TTLL6: variants seen among roughly 807,000 people sequenced by gnomAD.
TTLL6 encodes the protein tubulin tyrosine ligase like 6.
TTLL6 carries 75 observed loss-of-function variants against 96.4 expected under a neutral mutation model. The ratio of observed to expected loss-of-function variants is 0.78; its 90% CI spans 0.65 to 0.94. TTLL6 has a LOEUF of 0.94. TTLL6 is among the 40% of genes least tolerant of loss of function. The pLI, the probability that TTLL6 is intolerant of heterozygous loss-of-function variation, is 0.00. For missense variants in TTLL6, 1,030 were observed against 1,093.0 expected (o/e 0.94, Z 0.81); for synonymous variants, 411 against 419.4 (o/e 0.98, Z 0.24).
In TTLL6 at chr17:48,801,242, G is replaced by A. The variant is rs142617409; in HGVS notation, c.611+13C>T. On this transcript the variant is annotated intron_variant, in intron 5 of 15. Transcript: ENST00000393382. ...GGGAGTGGAGAAGGAAGTACAGGGC[G>A]GGGGGCACTCACTCAGCAGGAAGAC... The A allele has an allele frequency of 2.3e-5, 36 of 1,550,316 alleles. No individual in the cohort carries two copies. The highest frequency in any genetic ancestry group is 9.5e-5 in the South Asian group (8 of 84,026).
chr17:48,794,218 C>G (rs766559025), intron 8 of TTLL6: 7 of 1,613,988 alleles, frequency 4.3e-6, no homozygotes, highest in Non-Finnish European at 5.9e-6. Context: ...GTTCTGCTAC[C>G]CCGAGACACC....
chr17:48,772,709 G>A (rs1222512048), intron 13 of TTLL6, among the ~76,000 whole-genome samples: 34 of 142,190 alleles, frequency 2.4e-4, no homozygotes, highest in Non-Finnish European at 4.5e-4. Context: ...CCAGCCTGGC[G>A]ACAGAGTGAG....
At chr17:48,768,770 G>A (rs2038669175) in intron 15 of TTLL6, among the ~76,000 whole-genome samples, 1 of 149,372 alleles carries the variant, frequency 6.7e-6, no homozygotes, top group African/African-American at 2.5e-5. Context: ...TCAAACTCCT[G>A]GGCACAAGGG....
At chr17:48,803,665 G>T (rs1042589958) in intron 3 of TTLL6, among the ~76,000 whole-genome samples, 4 of 152,168 alleles carry the variant, frequency 2.6e-5, no homozygotes, top group Non-Finnish European at 5.9e-5. Context: ...CTATATATAA[G>T]AATTACAGAT....
At chr17:48,793,526 A>T (rs2039264266) in intron 8 of TTLL6, among the ~76,000 whole-genome samples, 1 of 151,954 alleles carries the variant, frequency 6.6e-6, no homozygotes, top group Non-Finnish European at 1.5e-5. Flanking sequence ...CCGGGAGTCG[A>T]AACTTTTGCA....
chr17:48,814,757 G>T (rs1326440534), intron 1 of TTLL6, among the ~76,000 whole-genome samples: 1 of 152,170 alleles, frequency 6.6e-6, no homozygotes, highest in Non-Finnish European at 1.5e-5. Context: ...GTGTTGCAGA[G>T]GGTGGAAAAT....
At chr17:48,792,442 G>C (rs1295713401) in intron 8 of TTLL6, among the ~76,000 whole-genome samples, 4 of 152,188 alleles carry the variant, frequency 2.6e-5, no homozygotes, top group Admixed American at 2.6e-4. Flanking sequence ...TGTGGAAGGA[G>C]GAGGTGCAGG....
chr17:48,801,788 G>A (rs2039420203), intron 3 of TTLL6, 145 bp from the exon 4 acceptor site: 1 of 632,672 alleles, frequency 1.6e-6, no homozygotes, highest in Non-Finnish European at 2.8e-6. Flanking sequence ...GCCCTCTCTG[G>A]ATGCAAGAAT....
At chr17:48,805,509 G>C (rs1409035352) in intron 1 of TTLL6, among the ~76,000 whole-genome samples, 1 of 152,130 alleles carries the variant, frequency 6.6e-6, no homozygotes, top group East Asian at 1.9e-4. Context: ...TAAGATTCAA[G>C]CCCAGGGCCA....
chr17:48,816,169 G>A (rs1199550648), intron 1 of TTLL6, among the ~76,000 whole-genome samples: 2 of 152,110 alleles, frequency 1.3e-5, no homozygotes, highest in South Asian at 2.1e-4. Flanking sequence ...TAAACCAGGC[G>A]TGGTGACTCA....
intron 1 of TTLL6, among the ~76,000 whole-genome samples, chr17:48,809,015 T>A (rs1454587262): frequency 6.6e-6 from 1 of 152,190 alleles, no homozygotes; most frequent in Non-Finnish European, 1.5e-5. Flanking sequence ...ATAAATAATA[T>A]AATTATAAGC....
At position 48,802,122 on chromosome 17, in the gene TTLL6, GAAA is replaced by G. The variant is rs1567733673; in HGVS notation, c.362-482_362-480del. ...AGAAAGAAAGAAAGAAAGAAAGAAAGAAAGAAAGAAAGAAAGAAAGAAAGAAAG... is the reference window on the plus strand; with the variant it reads ...AGAAAGAAAGAAAGAAAGAAAGAAAGGAAAGAAAGAAAGAAAGAAAGAAAG... On this transcript the variant is annotated intron_variant, in intron 3 of 15. Transcript: ENST00000393382. Among the ~76,000 whole-genome samples the G allele has an allele frequency of 6.5e-3, 701 of 108,200 alleles. 7 individuals are homozygous for G. The highest frequency in any genetic ancestry group is 0.018 in the African/African-American group (653 of 37,052). 71.0% of individuals were successfully genotyped at this position (108,200 alleles called of 152,430 possible).
chr17:48,803,495 C>A (rs4997830), intron 3 of TTLL6, among the ~76,000 whole-genome samples: 47,537 of 137,378 alleles, frequency 0.35, 8,182 homozygotes, highest in East Asian at 0.75. Flanking sequence ...AAAAAAAAAA[C>A]AAAAAAAAAA....
At chr17:48,803,815 CAA>C (rs2039464027) in intron 3 of TTLL6, 74 bp downstream of exon 3, 1 of 1,451,896 alleles carries the variant, frequency 6.9e-7, no homozygotes. Context: ...CACAAATATA[CAA>C]GAGTGACTCT....
At chr17:48,802,126 GAAAGAAAGA>G (rs2039435752) in intron 3 of TTLL6, among the ~76,000 whole-genome samples, 1 of 112,662 alleles carries the variant, frequency 8.9e-6, no homozygotes, top group Non-Finnish European at 2.2e-5. Context: ...AAGAAAGAAA[GAAAGAAAGA>G]AAGAAAGAAA....
At chr17:48,794,470 A>T (rs1209262436) in intron 8 of TTLL6, 7 of 1,163,330 alleles carry the variant, frequency 6.0e-6, no homozygotes. Flanking sequence ...GCTCAGAGAG[A>T]TGAAGTAACT....
intron 1 of TTLL6, among the ~76,000 whole-genome samples, chr17:48,809,271 T>C (rs867788885): frequency 2.6e-5 from 4 of 152,198 alleles, no homozygotes; most frequent in Admixed American, 6.5e-5. Flanking sequence ...TTGTTCCCAG[T>C]GAACAGGCAC....
intron 1 of TTLL6, among the ~76,000 whole-genome samples, chr17:48,806,759 G>A (rs557864171): frequency 2.6e-5 from 4 of 152,136 alleles, no homozygotes; most frequent in South Asian, 4.2e-4. Context: ...GGCCAAGCAC[G>A]CTGGTTCACG....
At chr17:48,791,642 C>T (rs750761393) in intron 8 of TTLL6, 39 bp from the exon 9 acceptor site, 1 of 1,546,874 alleles carries the variant, frequency 6.5e-7, no homozygotes, top group African/African-American at 1.4e-5. Flanking sequence ...GTGTAGCTGG[C>T]TTCTGGTCAC....
Sources: gnomAD v4.1 joint callset for allele counts (sites outside exome capture counted in the v4.1 genomes callset) on GRCh38, gnomAD v4.1.1 for gene constraint, MANE v1.5 for transcripts, NCBI Gene and HGNC (gene_info 2026-07-23, HGNC 2026-07-21) for gene names.